ROCK2: variants seen among roughly 807,000 people sequenced by gnomAD.
The protein encoded by ROCK2 is rho-associated protein kinase 2.
A neutral mutation model predicts 195.1 loss-of-function variants in ROCK2; 61 were observed. The ratio of observed to expected loss-of-function variants is 0.31; its 90% CI spans 0.25 to 0.39. The LOEUF (loss-of-function observed/expected upper bound fraction) is 0.39, where lower values mean the gene tolerates loss of function less well. Among genes scored for constraint, ROCK2 ranks in the 10% least tolerant of loss-of-function variants. ROCK2 has a pLI of 1.00. For missense variants in ROCK2, 1,109 were observed against 1,637.4 expected (o/e 0.68, Z 5.57); for synonymous variants, 504 against 545.5 (o/e 0.92, Z 1.06).
At position 11,198,547 on chromosome 2, in the gene ROCK2, C is replaced by A. The variant is rs1431335544; in HGVS notation, c.3043G>T (p.Ala1015Ser). ...TGCTTCTCAAACTGTGCTTTAATAG[C>A]TGCTGCGCTTATTTCTTCATCTTTC... is the stretch of plus-strand genomic sequence containing the variant. Reference protein sequence around the residue: ...RLKDEEISAAAIKAQFEKQLL... With the variant: ...RLKDEEISAASIKAQFEKQLL... Residue 1015 changes from alanine (A) to serine (S), a missense_variant, in exon 25 of 33, where the codon GCT becomes TCT. Coordinates refer to ENST00000315872, the MANE Select transcript of ROCK2 (RefSeq NM_004850.5). 1.9e-6 allele frequency: 3 copies of A among 1,613,342 alleles called. No individual in the cohort carries two copies. The highest frequency in any genetic ancestry group is 2.7e-5 in the African/African-American group (2 of 75,010).
At chr2:11,187,054 T>C (rs1663226496) in intron 32 of ROCK2, among the ~76,000 whole-genome samples, 1 of 152,104 alleles carries the variant, frequency 6.6e-6, no homozygotes, top group Non-Finnish European at 1.5e-5. Flanking sequence ...TGCATTTAAT[T>C]TGGAGTTCTA....
At position 11,249,796 on chromosome 2, in the gene ROCK2, A is replaced by G. The variant is rs765093904; in HGVS notation, c.327T>C (p.Val109=). The G allele has an allele frequency of 3.0e-5, 45 of 1,509,384 alleles. No homozygotes were observed. Among genetic ancestry groups the G allele is most frequent in the Middle Eastern group, 1.9e-4 (1 of 5,350 alleles). 93.5% of individuals were successfully genotyped at this position (1,509,384 alleles called of 1,614,324 possible). A position where few individuals can be genotyped will look rare whatever the true frequency, so the allele number is the denominator to read the frequency against. ...AAACCTTCTGCGATGCCTTGTGACG[A>G]ACCTGTTGATTTTTGAAAACACAAA... ...GRGAFGEVQL[V]RHKASQKVYA... is the part of the protein sequence containing the mutation. The change falls in exon 4 of 33, where the codon GTT becomes GTC. Residue 109 remains valine, a splice_region_variant and synonymous_variant. Transcript: ENST00000315872.
intron 4 of ROCK2, 110 bp from the exon 5 acceptor site, chr2:11,236,072 A>G (rs1044617097): frequency 1.2e-5 from 12 of 1,037,888 alleles, no homozygotes; most frequent in Middle Eastern, 3.3e-4. Flanking sequence ...AAACTATTTT[A>G]TAACCAAAAC....
In ROCK2 at chr2:11,227,327, T is replaced by G; in HGVS notation, c.795A>C (p.Gln265His). 6.2e-7 allele frequency: 1 copy of G among 1,613,910 alleles called. No individual in the cohort carries two copies. The highest frequency in any genetic ancestry group is 8.5e-7 in the Non-Finnish European group (1 of 1,179,870). ...DYISPEVLKS[Q>H]GGDGFYGREC... ...CTCGCCCATAGAAACCATCACCCCC[T>G]TGTGATTTCAGAACCTCAGGTGATA... is the stretch of plus-strand genomic sequence containing the variant. Residue 265 changes from glutamine to histidine, a missense_variant, in exon 6 of 33, where the codon CAA becomes CAC. By Grantham distance (24) the Gln-to-His change is conservative. Around this residue, in one of 6 missense-constraint regions of ROCK2, gnomAD observed 253 missense variants for 455.5 expected, o/e 0.56. Transcript: ENST00000315872.
chr2:11,300,866 T>C (rs189520063), intron 1 of ROCK2, among the ~76,000 whole-genome samples: 14 of 152,046 alleles, frequency 9.2e-5, no homozygotes, highest in African/African-American at 3.1e-4. Context: ...AAAAAAAAAG[T>C]TGTATCATTG....
intron 19 of ROCK2, 29 bp from the exon 20 acceptor site, chr2:11,207,939 T>C: frequency 7.2e-7 from 1 of 1,394,388 alleles, no homozygotes; most frequent in Non-Finnish European, 9.5e-7. Context: ...ACTTGGTATA[T>C]AAGTAAATTA....
At chr2:11,307,850 CAATAT>C (rs1250694123) in intron 1 of ROCK2, among the ~76,000 whole-genome samples, 2 of 152,082 alleles carry the variant, frequency 1.3e-5, no homozygotes, top group Non-Finnish European at 2.9e-5. Context: ...CTAAACAATA[CAATAT>C]AACAACTATC....
In ROCK2 at chr2:11,181,544, T is replaced by C. The variant is rs1662992352; in HGVS notation, c.*1893A>G. ...TCAGTTTCCACAATAGTATCTATTA[T>C]GGGGATCTAACTTTTTAAATATCTC... is the stretch of plus-strand genomic sequence containing the variant. On this transcript the variant is annotated 3_prime_UTR_variant, in exon 33 of 33. Coordinates refer to ENST00000315872, the MANE Select transcript of ROCK2 (RefSeq NM_004850.5). 6.6e-6 allele frequency: 1 copy of C among 151,836 alleles called. No homozygotes were observed. The allele number at this position is 151,836 out of a possible 1,614,324, so 9.4% of individuals were successfully genotyped here.
At chr2:11,296,181 G>T (rs1462059833) in intron 1 of ROCK2, among the ~76,000 whole-genome samples, 1 of 152,006 alleles carries the variant, frequency 6.6e-6, no homozygotes, top group African/African-American at 2.4e-5. Context: ...GATGACAATG[G>T]CCAACTAAAT....
At chr2:11,263,674 A>ACAC (rs371194236) in intron 3 of ROCK2, among the ~76,000 whole-genome samples, 30,551 of 143,960 alleles carry the variant, frequency 0.21, 3,790 homozygotes, top group East Asian at 0.48. Flanking sequence ...CACACACACA[A>ACAC]AAAAAAACAA....
intron 1 of ROCK2, among the ~76,000 whole-genome samples, chr2:11,331,213 G>C (rs924173133): frequency 6.6e-6 from 1 of 152,296 alleles, no homozygotes; most frequent in Non-Finnish European, 1.5e-5. Flanking sequence ...TTCTGAGTAT[G>C]ACTTCTAGAG....
At chr2:11,218,921 A>C in intron 10 of ROCK2, 45 bp downstream of exon 10, 5 of 1,149,080 alleles carry the variant, frequency 4.4e-6, no homozygotes, top group Non-Finnish European at 6.2e-6. Flanking sequence ...TAAAATATTT[A>C]AACATGAAAC....
chr2:11,281,876 T>A (rs1667015198), intron 3 of ROCK2, among the ~76,000 whole-genome samples: 1 of 152,112 alleles, frequency 6.6e-6, no homozygotes, highest in Non-Finnish European at 1.5e-5. Context: ...GGAGAGACAG[T>A]CCATGTTCTT....
At chr2:11,276,043 C>G (rs1666815207) in intron 3 of ROCK2, among the ~76,000 whole-genome samples, 1 of 152,050 alleles carries the variant, frequency 6.6e-6, no homozygotes, top group Non-Finnish European at 1.5e-5. Context: ...ACTGAACAAA[C>G]CAGGAGTAAA....
At chr2:11,328,563 C>G (rs1055264743) in intron 1 of ROCK2, among the ~76,000 whole-genome samples, 1 of 152,200 alleles carries the variant, frequency 6.6e-6, no homozygotes, top group African/African-American at 2.4e-5. Flanking sequence ...TAACACCAGT[C>G]TTAGCTTTTC....
rs1663799458 is a variant in ROCK2 at position 11,200,126 on chromosome 2, C to T, written c.2910+831G>A. ...TATATATTTAGGTTTTCTCTTTCAG[C>T]TAAGTTTTCTTCCAAATTCTTTAAT... is the stretch of plus-strand genomic sequence containing the variant. On this transcript the variant is annotated intron_variant, in intron 23 of 32. Coordinates refer to ENST00000315872, the MANE Select transcript of ROCK2 (RefSeq NM_004850.5). 2.6e-5 allele frequency among the ~76,000 whole-genome samples: 4 copies of T among 152,266 alleles called. 1 individual carries two copies. The South Asian group carries it at 6.2e-4, about 24-fold the overall frequency.
At chr2:11,232,130 CT>C (rs11448566) in intron 5 of ROCK2, among the ~76,000 whole-genome samples, 51 of 148,050 alleles carry the variant, frequency 3.4e-4, no homozygotes, top group Middle Eastern at 7.0e-3. Flanking sequence ...ATGGACATTT[CT>C]TTTTTTTTTT....
At chr2:11,248,515 CTGGCCAACA>C (rs1665702649) in intron 4 of ROCK2, among the ~76,000 whole-genome samples, 1 of 151,816 alleles carries the variant, frequency 6.6e-6, no homozygotes, top group African/African-American at 2.4e-5. Context: ...CAAGACCAGC[CTGGCCAACA>C]TGGCAAAAAC....
chr2:11,226,572 T>C (rs1015663470), intron 6 of ROCK2, among the ~76,000 whole-genome samples: 2 of 152,116 alleles, frequency 1.3e-5, no homozygotes, highest in Admixed American at 6.5e-5. Flanking sequence ...TTGGGACAAA[T>C]ATTAAGTCTT....
Sources: gnomAD v4.1 joint callset for allele counts (sites outside exome capture counted in the v4.1 genomes callset) on GRCh38, gnomAD v4.1.1 for gene constraint, gnomAD v4.1.1 regional missense constraint, MANE v1.5 for transcripts, NCBI Gene and HGNC (gene_info 2026-07-23, HGNC 2026-07-21) for gene names.